The following CRISP2 variants were observed in gnomAD, a reference collection of about 807,000 sequenced individuals.
The protein encoded by CRISP2 is cysteine-rich secretory protein 2.
CRISP2 carries 29 observed loss-of-function variants against 31.7 expected under a neutral mutation model. The ratio of observed to expected loss-of-function variants is 0.92; its 90% confidence interval spans 0.68 to 1.25. CRISP2 has a LOEUF of 1.25. Among genes scored for constraint, CRISP2 ranks in the 50% most tolerant of loss-of-function variants. CRISP2 has a pLI of 0.00. For synonymous variants in CRISP2, 111 were observed against 101.4 expected, an observed-to-expected ratio of 1.09 and a Z score of -0.57; for missense variants, 318 against 286.5, an observed-to-expected ratio of 1.11 and a Z score of -0.79.
rs562156702 is a variant in CRISP2, at chr6:49,702,221, G to T, written c.67-1437C>A. Reference sequence around the variant, plus strand: ...TCCACTCATTGATTAATGGGCACTCGGGCTGGTTCTATATTTTTGCAATTG... The same window carrying T: ...TCCACTCATTGATTAATGGGCACTCTGGCTGGTTCTATATTTTTGCAATTG... On this transcript the variant is annotated intron_variant, in intron 4 of 9. Transcript: ENST00000339139. 1.1e-4 allele frequency among the ~76,000 whole-genome samples: 14 copies of T among 130,310 alleles called. No homozygotes were observed. The East Asian group carries it at 3.1e-3, about 29-fold the overall frequency. The allele number at this position is 130,310 out of a possible 152,430, so 85.5% of individuals were successfully genotyped here. A position where few individuals can be genotyped will look rare whatever the true frequency, so the allele number is the denominator to read the frequency against.
the CRISP2 span, among the ~76,000 whole-genome samples, chr6:49,683,681 AAAAAAAAAAAAAAATATATATATATAT>A: frequency 3.8e-5 from 2 of 52,260 alleles, no homozygotes; most frequent in African/African-American, 6.1e-5. Context: ...AAAAAAAAAA[AAAAAAAAAAAAAAATATATATATATAT>A]ATATATATAT....
intron 4 of CRISP2, among the ~76,000 whole-genome samples, chr6:49,703,638 G>A (rs1766494905): frequency 6.6e-6 from 1 of 152,108 alleles, no homozygotes. Context: ...TTGGTGTATA[G>A]CTGTACTACT....
At chr6:49,680,531 C>T in the CRISP2 span, among the ~76,000 whole-genome samples, 13 of 152,258 alleles carry the variant, frequency 8.5e-5, no homozygotes, top group Non-Finnish European at 7.3e-5. Context: ...AATGGGATTG[C>T]TGAGTTGAAT....
downstream of CRISP2, among the ~76,000 whole-genome samples, chr6:49,689,345 G>T (rs534777260): frequency 1.3e-5 from 2 of 152,094 alleles, no homozygotes; most frequent in South Asian, 4.2e-4. Flanking sequence ...TTATCATATT[G>T]GGCTATAATT....
At chr6:49,703,021 C>T (rs1447012734) in intron 4 of CRISP2, among the ~76,000 whole-genome samples, 1 of 152,114 alleles carries the variant, frequency 6.6e-6, no homozygotes, top group Non-Finnish European at 1.5e-5. Context: ...GATTCAGTTT[C>T]ATTCTTCTAC....
chr6:49,684,422 C>G, the CRISP2 span, among the ~76,000 whole-genome samples: 2 of 151,994 alleles, frequency 1.3e-5, no homozygotes, highest in Non-Finnish European at 2.9e-5. Context: ...GTACTTTTTT[C>G]CTACTATTTT....
intron 6 of CRISP2, 23 bp from the exon 7 acceptor site, chr6:49,698,530 G>T (rs896978034): frequency 2.5e-6 from 4 of 1,586,168 alleles, no homozygotes; most frequent in Admixed American, 3.9e-5. Context: ...TCATTCATGA[G>T]CAAGGTAATA....
At chr6:49,690,843 A>G (rs891694473), downstream of CRISP2, among the ~76,000 whole-genome samples, 2 of 152,094 alleles carry the variant, frequency 1.3e-5, no homozygotes, top group Non-Finnish European at 2.9e-5. Context: ...ATTCAATTAT[A>G]TAAGACAAAA....
At position 49,697,963 on chromosome 6, in the gene CRISP2, A is replaced by G; in HGVS notation, c.418-6T>C. On this transcript the variant is annotated splice_region_variant and splice_polypyrimidine_tract_variant and intron_variant, in intron 7 of 9. Coordinates refer to ENST00000339139, the MANE Select transcript of CRISP2 (RefSeq NM_003296.4). ...TAAGTCGAGTACCAAACAAGCTGCA[A>G]ATTAACAATGGAATAAATATATAAA... is the stretch of plus-strand genomic sequence containing the variant. 6.3e-7 allele frequency: 1 copy of G among 1,575,314 alleles called. No homozygotes were observed. Among genetic ancestry groups the G allele is most frequent in the Non-Finnish European group, 8.6e-7 (1 of 1,162,216 alleles).
intron 4 of CRISP2, among the ~76,000 whole-genome samples, chr6:49,706,858 C>T (rs760872647): frequency 8.5e-5 from 13 of 152,148 alleles, no homozygotes; most frequent in Admixed American, 3.9e-4. Context: ...AGAACAGGGA[C>T]TGATCGTGGA....
Position 49,697,975 on chromosome 6 carries a change from A to G in CRISP2, c.418-18T>C. ...CAAACAAGCTGCAAATTAACAATGGAATAAATATATAAAAGTACATTAGAG... is the reference window on the plus strand; with the variant it reads ...CAAACAAGCTGCAAATTAACAATGGGATAAATATATAAAAGTACATTAGAG... On this transcript the variant is annotated intron_variant, in intron 7 of 9. Coordinates refer to ENST00000339139, the MANE Select transcript of CRISP2 (RefSeq NM_003296.4). 1 of 1,540,000 alleles carries G rather than the reference A, an allele frequency of 6.5e-7. No individual in the cohort carries two copies. The highest frequency in any genetic ancestry group is 8.8e-7 in the Non-Finnish European group (1 of 1,136,388).
Position 49,713,524 on chromosome 6 carries a change from T to G in CRISP2, c.-200A>C, listed in dbSNP as rs1768408824. ...ACCTTCCTGCAGTTGGGCCGGCGCG[T>G]TGCGGCGTTGAGGAGCTGCGGCGCG... On this transcript the variant is annotated 5_prime_UTR_variant, in exon 1 of 10. Coordinates refer to ENST00000339139, the MANE Select transcript of CRISP2 (RefSeq NM_003296.4). 1 of 152,266 alleles carries G rather than the reference T, an allele frequency of 6.6e-6. No individual in the cohort carries two copies. The highest frequency in any genetic ancestry group is 2.4e-5 in the African/African-American group (1 of 41,444). The allele number at this position is 152,266 out of a possible 1,614,324, so 9.4% of individuals were successfully genotyped here.
intron 4 of CRISP2, among the ~76,000 whole-genome samples, chr6:49,702,875 T>C (rs917258829): frequency 9.2e-5 from 14 of 151,588 alleles, no homozygotes; most frequent in Admixed American, 2.0e-4. Flanking sequence ...ACATTTGCCT[T>C]GGTCTTAGAC....
downstream of CRISP2, among the ~76,000 whole-genome samples, chr6:49,691,356 C>T (rs753612972): frequency 1.5e-4 from 23 of 152,024 alleles, no homozygotes; most frequent in East Asian, 1.2e-3. Flanking sequence ...GATGAAGAAA[C>T]GCTCATCTTG....
At chr6:49,695,718 G>T (rs1019909926) in intron 9 of CRISP2, 118 bp downstream of exon 9, 6 of 838,878 alleles carry the variant, frequency 7.2e-6, no homozygotes, top group African/African-American at 7.0e-5. Context: ...ATAATTTTGG[G>T]TTTTTTCACC....
the CRISP2 span, among the ~76,000 whole-genome samples, chr6:49,677,008 C>T: frequency 6.6e-6 from 1 of 152,114 alleles, no homozygotes; most frequent in Non-Finnish European, 1.5e-5. Context: ...GTGACAAGGG[C>T]TACCTTATAC....
intron 4 of CRISP2, among the ~76,000 whole-genome samples, chr6:49,705,524 C>A (rs548331565): frequency 2.0e-5 from 3 of 152,306 alleles, no homozygotes; most frequent in Middle Eastern, 3.4e-3. Context: ...CCGTACTTCC[C>A]ATTCAGAATC....
downstream of CRISP2, among the ~76,000 whole-genome samples, chr6:49,691,537 CT>C (rs535279837): frequency 7.5e-4 from 114 of 152,080 alleles, no homozygotes; most frequent in Admixed American, 2.3e-3. Flanking sequence ...GATACATTTA[CT>C]AAATGTTTGT....
intron 4 of CRISP2, among the ~76,000 whole-genome samples, chr6:49,701,892 TTATTATATATTATG>T (rs1582084858): frequency 3.3e-5 from 2 of 60,258 alleles, no homozygotes; most frequent in Non-Finnish European, 5.8e-5. Context: ...ATATTATATA[TTATTATATATTATG>T]TATTATATAT....
Sources: allele counts gnomAD v4.1 joint callset (sites outside exome capture counted in the v4.1 genomes callset), GRCh38; gene constraint gnomAD v4.1.1; transcripts MANE v1.5; gene names NCBI Gene and HGNC (gene_info 2026-07-23, HGNC 2026-07-21).